The following NFIB variants were observed in gnomAD, a reference collection of about 807,000 sequenced individuals.
NFIB encodes the protein nuclear factor 1 B-type.
A neutral mutation model predicts 61.5 loss-of-function variants in NFIB; 11 were observed. The ratio of observed to expected loss-of-function variants is 0.18; its 90% CI spans 0.11 to 0.30. The LOEUF (loss-of-function observed/expected upper bound fraction) is 0.30, where lower values mean the gene tolerates loss of function less well. NFIB is among the 10% of genes least tolerant of loss of function. The probability of loss-of-function intolerance (pLI) is 1.00; values close to 1 mark genes in which losing one functional copy is unlikely to be tolerated. For synonymous variants in NFIB, 260 were observed against 216.5 expected (o/e 1.20, Z -1.76); for missense variants, 471 against 608.9 (o/e 0.77, Z 2.38).
At chr9:14,202,919 A>G (rs1488433795) in intron 2 of NFIB, among the ~76,000 whole-genome samples, 1 of 152,264 alleles carries the variant, frequency 6.6e-6, no homozygotes, top group Non-Finnish European at 1.5e-5. Context: ...TGCTACTTAC[A>G]TAGAAAATTA....
chr9:14,508,010 TC>T, the NFIB span, among the ~76,000 whole-genome samples: 1 of 145,758 alleles, frequency 6.9e-6, no homozygotes. Context: ...ATATATATAT[TC>T]ATGTCCTGAA....
intron 2 of NFIB, among the ~76,000 whole-genome samples, chr9:14,284,042 G>A (rs999377665): frequency 6.6e-6 from 1 of 152,124 alleles, no homozygotes; most frequent in African/African-American, 2.4e-5. Context: ...TGGGAGTGAA[G>A]CTGGGAATAT....
intron 2 of NFIB, among the ~76,000 whole-genome samples, chr9:14,209,001 A>G (rs990258126): frequency 2.0e-5 from 3 of 152,206 alleles, no homozygotes; most frequent in African/African-American, 7.2e-5. Context: ...ATGTTTTCTG[A>G]TAAGTAGCAT....
At chr9:14,514,314 A>G in the NFIB span, among the ~76,000 whole-genome samples, 20 of 150,456 alleles carry the variant, frequency 1.3e-4, no homozygotes, top group Admixed American at 9.9e-4. Flanking sequence ...ACACATACAC[A>G]TACATACATA....
chr9:14,354,546 G>A (rs951463378), intron 1 of NFIB, among the ~76,000 whole-genome samples: 1 of 152,146 alleles, frequency 6.6e-6, no homozygotes, highest in East Asian at 1.9e-4. Flanking sequence ...TGAGAGTACG[G>A]TCTCTCTAAG....
At chr9:14,378,480 C>G (rs2061445547) in intron 1 of NFIB, among the ~76,000 whole-genome samples, 2 of 152,202 alleles carry the variant, frequency 1.3e-5, no homozygotes, top group African/African-American at 4.8e-5. Context: ...CCTCAGCCTC[C>G]TGAGTAGCTG....
At chr9:14,421,013 T>A in the NFIB span, among the ~76,000 whole-genome samples, 71,027 of 149,572 alleles carry the variant, frequency 0.47, 17,517 homozygotes, top group Admixed American at 0.6. Context: ...ATTGGTTTCT[T>A]TTTCACATCC....
intron 2 of NFIB, among the ~76,000 whole-genome samples, chr9:14,219,053 A>T (rs1196192729): frequency 6.6e-6 from 1 of 152,106 alleles, no homozygotes; most frequent in Non-Finnish European, 1.5e-5. Flanking sequence ...CTGGCTCTTC[A>T]TTAAGGGGTG....
At position 14,395,025 on chromosome 9, in the gene NFIB, A is replaced by G. The variant is rs182205442; in HGVS notation, c.108+3499T>C. 2.1e-3 allele frequency among the ~76,000 whole-genome samples: 318 copies of G among 152,260 alleles called. 1 individual carries two copies. The highest frequency in any genetic ancestry group is 3.3e-3 in the Non-Finnish European group (222 of 68,016). ...CACTCAATCTCCGCAAGAATTGGAAATTTTTGGTAGGACCAGTTTTTTCTC... is the reference window on the plus strand; with the variant it reads ...CACTCAATCTCCGCAAGAATTGGAAGTTTTTGGTAGGACCAGTTTTTTCTC... On this transcript the variant is annotated intron_variant, in intron 1 of 8. Coordinates refer to the NFIB transcript ENST00000380934.
rs142387126 is a variant in NFIB, at chr9:14,109,334, T to C, written c.1467+3665A>G. ...TATCATAACGAATTTGCACAATGTG[T>C]TCGTGAATTATAAAGTATGAGAGAG... is the stretch of plus-strand genomic sequence containing the variant. On this transcript the variant is annotated intron_variant, in intron 10 of 10. Transcript: ENST00000380953. Among the ~76,000 whole-genome samples the C allele has an allele frequency of 8.8e-4, 134 of 152,120 alleles. 1 individual carries two copies. The highest frequency in any genetic ancestry group is 3.0e-3 in the African/African-American group (126 of 41,546).
intron 2 of NFIB, among the ~76,000 whole-genome samples, chr9:14,266,853 A>G (rs1295864281): frequency 6.6e-6 from 1 of 152,174 alleles, no homozygotes; most frequent in African/African-American, 2.4e-5. Flanking sequence ...AATGATTTTT[A>G]TTGATTTATT....
Position 14,388,196 on chromosome 9 carries a change from G to T in NFIB, c.108+10328C>A, listed in dbSNP as rs558469305. On this transcript the variant is annotated intron_variant, in intron 1 of 8. Coordinates refer to the NFIB transcript ENST00000380934. ...TGAATTACAAGGATGAGTTGCAAAA[G>T]CATAATGTTCAGTAAGAAAAGAAAA... is the stretch of plus-strand genomic sequence containing the variant. Among the ~76,000 whole-genome samples, 3 of 152,152 alleles carry T rather than the reference G, an allele frequency of 2.0e-5. No individual in the cohort carries two copies. The East Asian group carries it at 5.8e-4, about 29-fold the overall frequency.
the NFIB span, among the ~76,000 whole-genome samples, chr9:14,504,219 G>T: frequency 1.3e-5 from 2 of 152,106 alleles, no homozygotes; most frequent in African/African-American, 4.8e-5. Context: ...ATGATGTTTT[G>T]GTGACTATGG....
chr9:14,429,810 G>A, the NFIB span, among the ~76,000 whole-genome samples: 1 of 152,124 alleles, frequency 6.6e-6, no homozygotes, highest in East Asian at 1.9e-4. Flanking sequence ...CCCTGAAAGT[G>A]AATTCCATCC....
the NFIB span, among the ~76,000 whole-genome samples, chr9:14,512,857 T>A: frequency 6.6e-6 from 1 of 152,034 alleles, no homozygotes; most frequent in African/African-American, 2.4e-5. Flanking sequence ...CTTTCTATAG[T>A]TTTTCTTTCC....
intron 1 of NFIB, among the ~76,000 whole-genome samples, chr9:14,386,162 G>C (rs1016155779): frequency 6.6e-6 from 1 of 152,130 alleles, no homozygotes; most frequent in Non-Finnish European, 1.5e-5. Flanking sequence ...AGGTTTTTGA[G>C]TATATATTAC....
chr9:14,220,842 T>TACACCCACCCCCACACAC lies in NFIB; in HGVS notation c.563-41063_563-41062insGTGTGTGGGGGTGGGTGT, dbSNP rs762429739. ...CTATATCCAGTGAAATCAATCTCCCTACACACACACACACACACACACACA... is the reference window on the plus strand; with the variant it reads ...CTATATCCAGTGAAATCAATCTCCCTACACCCACCCCCACACACACACACACACACACACACACACACA... On this transcript the variant is annotated intron_variant, in intron 2 of 10. Coordinates refer to ENST00000380953, the MANE Select transcript of NFIB (RefSeq NM_001190737.2). 3.2e-5 allele frequency among the ~76,000 whole-genome samples: 4 copies of TACACCCACCCCCACACAC among 123,094 alleles called. No homozygotes were observed. The East Asian group carries it at 1.1e-3, about 35-fold the overall frequency. The allele number at this position is 123,094 out of a possible 152,430, so 80.8% of individuals were successfully genotyped here.
chr9:14,240,160 G>T (rs1470542144), intron 2 of NFIB, among the ~76,000 whole-genome samples: 2 of 151,992 alleles, frequency 1.3e-5, no homozygotes, highest in African/African-American at 2.4e-5. Context: ...GTAGCCTATG[G>T]AAACATTTTA....
the NFIB span, among the ~76,000 whole-genome samples, chr9:14,526,257 T>G: frequency 6.6e-6 from 1 of 152,194 alleles, no homozygotes; most frequent in Non-Finnish European, 1.5e-5. Flanking sequence ...AAATTAATGT[T>G]AGAACATTGA....
Sources: gnomAD v4.1 joint callset for allele counts (sites outside exome capture counted in the v4.1 genomes callset) on GRCh38, gnomAD v4.1.1 for gene constraint, MANE v1.5 for transcripts, NCBI Gene and HGNC (gene_info 2026-07-23, HGNC 2026-07-21) for gene names.